ARHGAP6: variants seen among roughly 807,000 people sequenced by gnomAD.
ARHGAP6 encodes the protein rho GTPase-activating protein 6.
ARHGAP6 carries 16 observed loss-of-function variants against 55.7 expected under a neutral mutation model. That is an observed-to-expected ratio of 0.29 (90% confidence interval 0.19 to 0.44). The LOEUF (loss-of-function observed/expected upper bound fraction) is 0.44, where lower values mean the gene tolerates loss of function less well. ARHGAP6 is among the 20% of genes least tolerant of loss of function. ARHGAP6 has a pLI of 1.00. For missense variants in ARHGAP6, 698 were observed against 808.9 expected, an observed-to-expected ratio of 0.86 and a Z score of 1.66; for synonymous variants, 382 against 360.9, an observed-to-expected ratio of 1.06 and a Z score of -0.66.
intron 1 of ARHGAP6, among the ~76,000 whole-genome samples, chrX:11,341,991 G>A (rs1288948719): frequency 1.2e-5 from 1 of 84,956 alleles, no homozygotes; most frequent in East Asian, 4.0e-4. Context: ...CCATTAGAAC[G>A]TGTTGATGGA....
At chrX:11,463,700 T>C (rs1325603960) in intron 1 of ARHGAP6, among the ~76,000 whole-genome samples, 1 of 111,830 alleles carries the variant, frequency 8.9e-6, no homozygotes, top group African/African-American at 3.3e-5. Flanking sequence ...CCCCTGGGAG[T>C]GCACATAACT....
intron 1 of ARHGAP6, among the ~76,000 whole-genome samples, chrX:11,513,201 A>G (rs1432597607): frequency 9.0e-6 from 1 of 111,473 alleles, no homozygotes; most frequent in African/African-American, 3.3e-5. Context: ...AGCTCTTAGA[A>G]TATTCTACCA....
chrX:11,651,103 G>A (rs753470480), intron 1 of ARHGAP6, among the ~76,000 whole-genome samples: 9 of 111,525 alleles, frequency 8.1e-5, no homozygotes, highest in Non-Finnish European at 1.5e-4. Flanking sequence ...CATCAGCAGC[G>A]GGAATCTAGA....
chrX:11,455,745 T>A (rs1403126080), intron 1 of ARHGAP6, among the ~76,000 whole-genome samples: 1 of 111,820 alleles, frequency 8.9e-6, no homozygotes, highest in Admixed American at 9.6e-5. Context: ...CAGTGTTGGA[T>A]TGAAATAAGA....
At chrX:11,558,965 G>C in intron 1 of ARHGAP6, among the ~76,000 whole-genome samples, 1 of 104,605 alleles carries the variant, frequency 9.6e-6, no homozygotes, top group Non-Finnish European at 1.9e-5. Context: ...TAACTGCTTT[G>C]GGAATTTATC....
At chrX:11,189,101 T>C (rs1217473921) in intron 3 of ARHGAP6, 117 bp from the exon 4 acceptor site, 4 of 893,460 alleles carry the variant, frequency 4.5e-6, no homozygotes, top group Admixed American at 3.6e-5. Flanking sequence ...TTCTGAAGAA[T>C]TGACTCATCA....
At chrX:11,634,228 T>C (rs905724434) in intron 1 of ARHGAP6, among the ~76,000 whole-genome samples, 14 of 110,529 alleles carry the variant, frequency 1.3e-4, no homozygotes, top group African/African-American at 4.3e-4. Flanking sequence ...TGGTAATTAT[T>C]TTTATTTAAA....
At chrX:11,140,015 A>G (rs2045596915) in intron 12 of ARHGAP6, among the ~76,000 whole-genome samples, 1 of 111,017 alleles carries the variant, frequency 9.0e-6, no homozygotes, top group South Asian at 3.8e-4. Context: ...GCCAGCCACT[A>G]TGCATATTCT....
At chrX:11,576,456 C>T (rs2051599999) in intron 1 of ARHGAP6, among the ~76,000 whole-genome samples, 1 of 111,676 alleles carries the variant, frequency 9.0e-6, no homozygotes, top group Admixed American at 9.6e-5. Flanking sequence ...TTTCTATTTC[C>T]ACTGTTAGAA....
At chrX:11,591,705 G>A (rs1039474055) in intron 1 of ARHGAP6, among the ~76,000 whole-genome samples, 4 of 112,026 alleles carry the variant, frequency 3.6e-5, no homozygotes, top group African/African-American at 1.3e-4. Flanking sequence ...GGAGGAAAAT[G>A]AAGATTAATG....
intron 1 of ARHGAP6, among the ~76,000 whole-genome samples, chrX:11,611,113 G>A (rs1445941931): frequency 8.9e-6 from 1 of 112,335 alleles, no homozygotes; most frequent in East Asian, 2.8e-4. Context: ...ACTATTATGG[G>A]TATTGCTACT....
intron 1 of ARHGAP6, among the ~76,000 whole-genome samples, chrX:11,547,453 T>C (rs1034984783): frequency 9.0e-6 from 1 of 111,378 alleles, no homozygotes; most frequent in Non-Finnish European, 1.9e-5. Flanking sequence ...TGAAATACGA[T>C]AATAGAGTAT....
At chrX:11,658,016 T>A (rs1364095592) in intron 1 of ARHGAP6, among the ~76,000 whole-genome samples, 1 of 112,118 alleles carries the variant, frequency 8.9e-6, no homozygotes, top group African/African-American at 3.2e-5. Context: ...TTTAAGGTGC[T>A]CACCAGAGAA....
intron 1 of ARHGAP6, among the ~76,000 whole-genome samples, chrX:11,274,456 A>G (rs762675295): frequency 3.1e-4 from 35 of 111,332 alleles, no homozygotes; most frequent in African/African-American, 9.1e-4. Flanking sequence ...AACACCTAAA[A>G]TGTTTTCTAT....
At chrX:11,184,283 T>C (rs1449468038) in intron 5 of ARHGAP6, among the ~76,000 whole-genome samples, 1 of 112,569 alleles carries the variant, frequency 8.9e-6, no homozygotes, top group African/African-American at 3.2e-5. Context: ...AATTGGGGTC[T>C]TGCTATATTG....
chrX:11,174,586 CTTTCTTTTT>C (rs2046156452), intron 8 of ARHGAP6, among the ~76,000 whole-genome samples: 1 of 89,635 alleles, frequency 1.1e-5, no homozygotes, highest in Non-Finnish European at 2.2e-5. Context: ...TTCTTTCTTT[CTTTCTTTTT>C]CTTTCTTTCT....
chrX:11,528,391 G>T (rs772959422), intron 1 of ARHGAP6, among the ~76,000 whole-genome samples: 2 of 111,970 alleles, frequency 1.8e-5, no homozygotes, highest in African/African-American at 6.5e-5. Flanking sequence ...CTTACCAAGG[G>T]CATATGTTAT....
intron 1 of ARHGAP6, among the ~76,000 whole-genome samples, chrX:11,255,929 G>T (rs1481125894): frequency 6.2e-5 from 7 of 112,211 alleles, no homozygotes; most frequent in Non-Finnish European, 1.3e-4. Flanking sequence ...GACTTCTTGT[G>T]AATCTCATGT....
At chrX:11,577,324 T>C (rs1355427334) in intron 1 of ARHGAP6, among the ~76,000 whole-genome samples, 6 of 111,916 alleles carry the variant, frequency 5.4e-5, no homozygotes, top group Non-Finnish European at 1.1e-4. Flanking sequence ...CACAATACAG[T>C]TATCATCGAA....
Sources: gnomAD v4.1 joint callset for allele counts (sites outside exome capture counted in the v4.1 genomes callset) on GRCh38, gnomAD v4.1.1 for gene constraint, MANE v1.5 for transcripts, NCBI Gene and HGNC (gene_info 2026-07-23, HGNC 2026-07-21) for gene names.